The following ZNF330 variants were observed in gnomAD, a reference collection of about 807,000 sequenced individuals.
ZNF330 encodes the protein zinc finger protein 330.
ZNF330 carries 31 observed loss-of-function variants against 45.5 expected under a neutral mutation model. The ratio of observed to expected loss-of-function variants is 0.68; its 90% CI spans 0.51 to 0.92. The LOEUF (loss-of-function observed/expected upper bound fraction) is 0.92. Ranked by LOEUF, ZNF330 falls within the 40% of genes least tolerant of loss-of-function variation. The pLI, the probability that ZNF330 is intolerant of heterozygous loss-of-function variation, is 0.00. For missense variants in ZNF330, 356 were observed against 387.4 expected, an observed-to-expected ratio of 0.92 and a Z score of 0.68; for synonymous variants, 138 against 123.2, an observed-to-expected ratio of 1.12 and a Z score of -0.79.
intron 4 of ZNF330, 45 bp downstream of exon 4, chr4:141,224,722 A>G (rs760809070): frequency 1.3e-6 from 2 of 1,547,218 alleles, no homozygotes; most frequent in African/African-American, 2.7e-5. Flanking sequence ...ATCAACTGGT[A>G]GTTCAACAAT....
At chr4:141,228,013 T>G (rs1326282731) in intron 5 of ZNF330, among the ~76,000 whole-genome samples, 1 of 152,102 alleles carries the variant, frequency 6.6e-6, no homozygotes, top group Non-Finnish European at 1.5e-5. Context: ...TGTTCAAATT[T>G]TAATCTATGA....
Position 141,224,668 on chromosome 4 carries a change from G to A in ZNF330, c.202G>A (p.Ala68Thr). The change falls in exon 4 of 10, where the codon GCA (alanine) becomes ACA (threonine). Residue 68 changes from alanine to threonine, a missense_variant. Coordinates refer to ENST00000262990, the MANE Select transcript of ZNF330 (RefSeq NM_014487.6). ...CNSVQKLPIC[A>T]QCGKTKCMMK... ...TTCTGTACAGAAGTTACCAATTTGT[G>A]CACAGTGTGGTAAGTTTGTAATAAT... The A allele has an allele frequency of 1.2e-6, 2 of 1,613,086 alleles. No individual in the cohort carries two copies. The highest frequency in any genetic ancestry group is 1.7e-6 in the Non-Finnish European group (2 of 1,179,300).
Position 141,234,563 on chromosome 4 carries a change from T to C in ZNF330, c.*574T>C, listed in dbSNP as rs1729041234. On this transcript the variant is annotated 3_prime_UTR_variant, in exon 10 of 10. Transcript: ENST00000262990. ...TGTATGTCCTCAGTGGTACCTATTA[T>C]TGATGCCTTAAATGTATTGATAAGG... 1 of 152,248 alleles carries C rather than the reference T, an allele frequency of 6.6e-6. No homozygotes were observed. Among genetic ancestry groups the C allele is most frequent in the African/African-American group, 2.4e-5 (1 of 41,446 alleles). The allele number at this position is 152,248 out of a possible 1,614,324, so 9.4% of individuals were successfully genotyped here.
At chr4:141,231,915 G>T (rs963940997) in intron 8 of ZNF330, among the ~76,000 whole-genome samples, 1 of 152,068 alleles carries the variant, frequency 6.6e-6, no homozygotes, top group East Asian at 1.9e-4. Context: ...TCTCAGAAGC[G>T]TTTCTCTAGT....
intron 4 of ZNF330, 117 bp downstream of exon 4, chr4:141,224,794 C>T (rs530773384): frequency 7.4e-6 from 6 of 808,322 alleles, no homozygotes; most frequent in African/African-American, 7.0e-5. Flanking sequence ...TAATATTATG[C>T]CTTACCATTA....
At chr4:141,221,878 T>C (rs746632576) in intron 1 of ZNF330, among the ~76,000 whole-genome samples, 6 of 152,212 alleles carry the variant, frequency 3.9e-5, no homozygotes, top group Non-Finnish European at 5.9e-5. Flanking sequence ...CTGTTAGATG[T>C]TTTGTTTACA....
chr4:141,227,530 G>C (rs1728841206), intron 5 of ZNF330, among the ~76,000 whole-genome samples: 1 of 152,056 alleles, frequency 6.6e-6, no homozygotes, highest in South Asian at 2.1e-4. Context: ...TCTTAATCCA[G>C]TCTATCATTG....
intron 2 of ZNF330, among the ~76,000 whole-genome samples, chr4:141,223,122 C>A (rs1305355244): frequency 6.6e-6 from 1 of 151,996 alleles, no homozygotes; most frequent in Non-Finnish European, 1.5e-5. Context: ...TTTAATGTAG[C>A]TTAGTTTAGC....
chr4:141,231,330 C>T (rs1290656534), intron 7 of ZNF330, 109 bp from the exon 8 acceptor site: 3 of 791,222 alleles, frequency 3.8e-6, no homozygotes, highest in Non-Finnish European at 5.7e-6. Flanking sequence ...AGACAGGCAG[C>T]TGTCTATAAG....
chr4:141,227,049 T>C (rs1728822482), intron 5 of ZNF330, among the ~76,000 whole-genome samples: 1 of 152,006 alleles, frequency 6.6e-6, no homozygotes, highest in Non-Finnish European at 1.5e-5. Context: ...TCTTTCTTAT[T>C]AGGGAACATA....
At position 141,231,426 on chromosome 4, in the gene ZNF330, C is replaced by G. The variant is rs779072586; in HGVS notation, c.524-13C>G. ...CAAATAACGGGATTTTAAAATTAAT[C>G]TATTTCCCACAGGTGTTTCATGCAA... On this transcript the variant is annotated splice_polypyrimidine_tract_variant and intron_variant, in intron 7 of 9. Transcript: ENST00000262990. 3 of 1,586,094 alleles carry G rather than the reference C, an allele frequency of 1.9e-6. No individual in the cohort carries two copies. Among genetic ancestry groups the G allele is most frequent in the Non-Finnish European group, 1.7e-6 (2 of 1,170,110 alleles).
chr4:141,223,457 T>C (rs1366726918), intron 2 of ZNF330, among the ~76,000 whole-genome samples: 1 of 152,242 alleles, frequency 6.6e-6, no homozygotes, highest in Non-Finnish European at 1.5e-5. Context: ...CATTTTTTCA[T>C]ATTGTCTTAC....
chr4:141,226,173 G>A (rs1421864356), intron 4 of ZNF330, among the ~76,000 whole-genome samples: 1 of 152,050 alleles, frequency 6.6e-6, no homozygotes, highest in Non-Finnish European at 1.5e-5. Context: ...ATTTGTAGCT[G>A]TATCACCGTA....
rs1290624949 is a variant in ZNF330, at chr4:141,229,570, G to A, written c.292-1G>A. 6.2e-7 allele frequency: 1 copy of A among 1,612,552 alleles called. No homozygotes were observed. Among genetic ancestry groups the A allele is most frequent in the East Asian group, 2.2e-5 (1 of 44,856 alleles). On this transcript the variant is annotated splice_acceptor_variant, in intron 5 of 9. Transcript: ENST00000262990. LOFTEE classifies it high-confidence loss of function. ...TATGTATTCTTGTTCCTTGGTTACA[G>A]GGTGCAATATGTGACTTCTGTGAAG...
intron 1 of ZNF330, among the ~76,000 whole-genome samples, chr4:141,221,426 G>A (rs962119845): frequency 6.6e-6 from 1 of 152,220 alleles, no homozygotes; most frequent in Non-Finnish European, 1.5e-5. Context: ...AGGATTCAGA[G>A]GATATCTCTG....
chr4:141,229,565 T>C lies in ZNF330; in HGVS notation c.292-6T>C, dbSNP rs1012902375. 3 of 1,612,646 alleles carry C rather than the reference T, an allele frequency of 1.9e-6. No homozygotes were observed. The highest frequency in any genetic ancestry group is 2.5e-6 in the Non-Finnish European group (3 of 1,178,962). ...ATGATTATGTATTCTTGTTCCTTGG[T>C]TACAGGGTGCAATATGTGACTTCTG... On this transcript the variant is annotated splice_region_variant and splice_polypyrimidine_tract_variant and intron_variant, in intron 5 of 9. Transcript: ENST00000262990.
intron 2 of ZNF330, 93 bp downstream of exon 2, chr4:141,222,584 G>A: frequency 1.5e-6 from 2 of 1,371,304 alleles, no homozygotes; most frequent in Admixed American, 2.2e-5. Flanking sequence ...TGAAGACAGT[G>A]TTTTTGCATA....
chr4:141,229,749 T>C (rs1466701409), intron 6 of ZNF330, 52 bp downstream of exon 6: 2 of 1,607,394 alleles, frequency 1.2e-6, no homozygotes, highest in Admixed American at 3.3e-5. Context: ...ATGTTGACTT[T>C]GAAACATTTT....
rs1487107377 is a variant in ZNF330 at position 141,221,106 on chromosome 4, G to C, written c.-9G>C. The stretch of plus-strand genomic sequence containing the variant: ...AGCGAGGTTTGCCCGGAGCGCGCAC[G>C]AGGTAGGGTGTCCCGCGGGCGGGTG... On this transcript the variant is annotated splice_region_variant and 5_prime_UTR_variant, in exon 1 of 10. Transcript: ENST00000262990. 1 of 152,280 alleles carries C rather than the reference G, an allele frequency of 6.6e-6. No homozygotes were observed. Among genetic ancestry groups the C allele is most frequent in the Non-Finnish European group, 1.5e-5 (1 of 68,064 alleles). 9.4% of individuals were successfully genotyped at this position (152,280 alleles called of 1,614,324 possible).
Sources: gnomAD v4.1 joint callset for allele counts (sites outside exome capture counted in the v4.1 genomes callset) on GRCh38, gnomAD v4.1.1 for gene constraint, MANE v1.5 for transcripts, NCBI Gene and HGNC (gene_info 2026-07-23, HGNC 2026-07-21) for gene names.